CFAP44: variants seen among roughly 807,000 people sequenced by gnomAD.
CFAP44 encodes cilia and flagella associated protein 44.
Under a neutral mutation model 216.2 loss-of-function variants are expected in CFAP44, and 134 were observed. The ratio of observed to expected loss-of-function variants is 0.62; its 90% confidence interval spans 0.54 to 0.72. The LOEUF is 0.72. Among genes scored for constraint, CFAP44 ranks in the 30% least tolerant of loss-of-function variants. The probability of loss-of-function intolerance (pLI) is 0.00; values close to 1 mark genes in which losing one functional copy is unlikely to be tolerated. For synonymous variants in CFAP44, 700 were observed against 727.6 expected (o/e 0.96, Z 0.61); for missense variants, 2,035 against 2,182.1 (o/e 0.93, Z 1.34).
chr3:113,340,911 C>T (rs1177618622), intron 24 of CFAP44, among the ~76,000 whole-genome samples: 1 of 152,196 alleles, frequency 6.6e-6, no homozygotes, highest in Non-Finnish European at 1.5e-5. Context: ...ATGGGAGAAC[C>T]AGAAGGGAGA....
chr3:113,419,576 A>G lies in CFAP44; in HGVS notation c.570+441T>C, dbSNP rs1934751996. 1.3e-5 allele frequency among the ~76,000 whole-genome samples: 2 copies of G among 152,226 alleles called. 1 individual carries two copies. Among genetic ancestry groups the G allele is most frequent in the South Asian group, 4.1e-4 (2 of 4,830 alleles). On this transcript the variant is annotated intron_variant, in intron 5 of 34. Transcript: ENST00000393845. ...TATCTTTCACTCCATATATCTCAAC[A>G]TATCCTGTTTCCATAGTCAATCTAT...
At chr3:113,423,105 C>CATTTTTT (rs1491251290) in intron 4 of CFAP44, among the ~76,000 whole-genome samples, 1 of 79,158 alleles carries the variant, frequency 1.3e-5, no homozygotes, top group African/African-American at 4.9e-5. Context: ...CTGATCCTTC[C>CATTTTTT]TTTTTTTTTT....
chr3:113,334,455 T>A (rs1450367617), intron 24 of CFAP44, among the ~76,000 whole-genome samples: 1 of 152,110 alleles, frequency 6.6e-6, no homozygotes, highest in African/African-American at 2.4e-5. Context: ...GTGACACTGA[T>A]CCATTTCTGG....
intron 3 of CFAP44, chr3:113,426,868 G>A (rs569910056): frequency 5.2e-5 from 15 of 288,576 alleles, no homozygotes; most frequent in East Asian, 2.0e-4. Context: ...CGGTCATGGC[G>A]CAACAGTCTC....
intron 15 of CFAP44, among the ~76,000 whole-genome samples, chr3:113,382,407 T>C (rs1284360046): frequency 1.3e-5 from 2 of 152,080 alleles, no homozygotes; most frequent in Admixed American, 6.5e-5. Flanking sequence ...AGACTAGAAG[T>C]CAGGTAAGAG....
intron 24 of CFAP44, among the ~76,000 whole-genome samples, chr3:113,337,339 A>G (rs1346162966): frequency 6.6e-6 from 1 of 152,110 alleles, no homozygotes; most frequent in Non-Finnish European, 1.5e-5. Flanking sequence ...TACCATGTCC[A>G]TGGATTAGAA....
intron 21 of CFAP44, among the ~76,000 whole-genome samples, chr3:113,361,504 T>G (rs925865937): frequency 4.6e-5 from 7 of 151,126 alleles, no homozygotes; most frequent in East Asian, 3.9e-4. Flanking sequence ...TTTTGTTTTT[T>G]TTTTTTTTGA....
chr3:113,399,599 T>C (rs1451281765), intron 13 of CFAP44, among the ~76,000 whole-genome samples: 5 of 152,136 alleles, frequency 3.3e-5, no homozygotes, highest in Admixed American at 6.5e-5. Flanking sequence ...TAAATATTAA[T>C]AGAATGAATG....
In CFAP44 at chr3:113,305,063, T is replaced by C. The variant is rs1949972284; in HGVS notation, c.4848A>G (p.Leu1616=). The change falls in exon 31 of 35, where the codon CTA becomes CTG. Residue 1616 remains leucine, a synonymous_variant. Transcript: ENST00000393845. ...GGTGGAGCTTGAGCGGAATCACAAC[T>C]AGCAGTTCATTCAGCCGCTGCTGCT... The part of the protein sequence containing the change: ...REKQQRLNEL[L]VVIPLKLHQI... 2 of 1,537,260 alleles carry C rather than the reference T, an allele frequency of 1.3e-6. No homozygotes were observed. Among genetic ancestry groups the C allele is most frequent in the Non-Finnish European group, 1.7e-6 (2 of 1,146,908 alleles).
In CFAP44 at chr3:113,363,298, A is replaced by G. The variant is rs755765335; in HGVS notation, c.2781T>C (p.Asn927=). The G allele has an allele frequency of 6.2e-7, 1 of 1,605,252 alleles. No individual in the cohort carries two copies. Among genetic ancestry groups the G allele is most frequent in the South Asian group, 1.1e-5 (1 of 88,286 alleles). ...TGTCATGTTCTCTTTTTCTCCTAGC[A>G]TTCTCGATACTGAAAACAGAAATTT... ...IEDPKAYSIE[N]ARRKREHDKL... The change falls in exon 21 of 35, where the codon AAT becomes AAC. Residue 927 remains asparagine (N), a synonymous_variant. Transcript: ENST00000393845.
At chr3:113,409,845 T>A (rs1934404964) in intron 6 of CFAP44, among the ~76,000 whole-genome samples, 1 of 152,218 alleles carries the variant, frequency 6.6e-6, no homozygotes. Context: ...CTGGTCGTCC[T>A]CACTACTCAT....
At chr3:113,327,518 G>A in intron 27 of CFAP44, 98 bp downstream of exon 27, 3 of 1,098,984 alleles carry the variant, frequency 2.7e-6, no homozygotes, top group Non-Finnish European at 3.8e-6. Context: ...AGAGATAAGG[G>A]CTAGAACAAG....
chr3:113,399,913 G>A lies in CFAP44; in HGVS notation c.1562C>T (p.Pro521Leu). The A allele has an allele frequency of 6.3e-7, 1 of 1,577,258 alleles. No homozygotes were observed. The highest frequency in any genetic ancestry group is 1.4e-5 in the African/African-American group (1 of 73,240). The change falls in exon 13 of 35, where the codon CCC becomes CTC. Residue 521 changes from proline to leucine, a missense_variant. Pro to Leu is a moderately conservative substitution (Grantham distance 98). This residue lies in a region of CFAP44 where 1,883 missense variants were observed against 2,023.7 expected (regional missense o/e 0.93). Transcript: ENST00000393845. ...TTATAACAACAAACTTACCATTCGG[G>A]GTACCCAAACAAGGGCAGTACCTCC... ...KQGGTALVWVPRMVNFTGAQI... is the reference protein window; with the variant it reads ...KQGGTALVWVLRMVNFTGAQI...
At position 113,330,304 on chromosome 3, in the gene CFAP44, G is replaced by A. The variant is rs1265890808; in HGVS notation, c.3980C>T (p.Ser1327Leu). 1 of 1,537,268 alleles carries A rather than the reference G, an allele frequency of 6.5e-7. No individual in the cohort carries two copies. The highest frequency in any genetic ancestry group is 2.4e-5 in the East Asian group (1 of 40,912). The part of the protein sequence containing the change: ...LTTRDSISRS[S>L]KASTFSLDIP... Reference sequence around the variant, plus strand: ...ATCTAGGCTGAATGTTGATGCCTTTGATGATCTAGATATTGAATCACGGGT... The same window carrying A: ...ATCTAGGCTGAATGTTGATGCCTTTAATGATCTAGATATTGAATCACGGGT... The change falls in exon 26 of 35, where the codon TCA becomes TTA. Residue 1327 changes from serine (S) to leucine (L), a missense_variant. Physicochemically the swap from Ser to Leu is moderately radical, Grantham distance 145. Transcript: ENST00000393845.
chr3:113,380,861 A>G, intron 16 of CFAP44, 38 bp downstream of exon 16: 2 of 1,470,674 alleles, frequency 1.4e-6, no homozygotes, highest in South Asian at 1.5e-5. Context: ...TAAGGAAAGG[A>G]AATTATTATA....
intron 24 of CFAP44, among the ~76,000 whole-genome samples, chr3:113,335,523 G>C (rs182135202): frequency 1.0e-3 from 156 of 152,316 alleles, no homozygotes; most frequent in Middle Eastern, 0.01. Context: ...CCACCATGAA[G>C]CTGGGCAAAG....
At chr3:113,396,295 T>C (rs1051006395) in intron 14 of CFAP44, among the ~76,000 whole-genome samples, 9 of 152,322 alleles carry the variant, frequency 5.9e-5, no homozygotes, top group Admixed American at 1.3e-4. Flanking sequence ...ATTCAATTTG[T>C]AAGAATATTT....
intron 22 of CFAP44, among the ~76,000 whole-genome samples, chr3:113,356,757 C>CT (rs1380619952): frequency 6.6e-6 from 1 of 151,970 alleles, no homozygotes; most frequent in Non-Finnish European, 1.5e-5. Flanking sequence ...GGCAAAAGTT[C>CT]TTTAAGTATA....
intron 2 of CFAP44, chr3:113,427,573 A>G (rs1934996798): frequency 2.5e-6 from 1 of 393,292 alleles, no homozygotes; most frequent in Admixed American, 4.5e-5. Context: ...TCCTATCATT[A>G]AATACTTACA....
Sources: gnomAD v4.1 joint callset for allele counts (sites outside exome capture counted in the v4.1 genomes callset) on GRCh38, gnomAD v4.1.1 for gene constraint, gnomAD v4.1.1 regional missense constraint, MANE v1.5 for transcripts, NCBI Gene and HGNC (gene_info 2026-07-23, HGNC 2026-07-21) for gene names.